The following SUPT3H variants were observed in gnomAD, a reference collection of about 807,000 sequenced individuals.
The protein encoded by SUPT3H is transcription initiation protein SPT3 homolog.
A neutral mutation model predicts 44.3 loss-of-function variants in SUPT3H; 44 were observed. The ratio of observed to expected loss-of-function variants is 0.99; its 90% CI spans 0.78 to 1.28. The LOEUF (loss-of-function observed/expected upper bound fraction) is 1.28. SUPT3H is among the 50% of genes most tolerant of loss of function. The pLI, the probability that SUPT3H is intolerant of heterozygous loss-of-function variation, is 0.00. For synonymous variants in SUPT3H, 124 were observed against 125.6 expected (o/e 0.99, Z 0.09); for missense variants, 380 against 387.1 (o/e 0.98, Z 0.15).
intron 7 of SUPT3H, chr6:44,955,363 G>T (rs1473693077): frequency 6.6e-6 from 1 of 152,432 alleles, no homozygotes; most frequent in Non-Finnish European, 1.5e-5. Context: ...AAATAAAGTT[G>T]GTGCTGTTAC....
At chr6:45,178,561 G>A (rs868340868) in intron 2 of SUPT3H, among the ~76,000 whole-genome samples, 78 of 151,782 alleles carry the variant, frequency 5.1e-4, no homozygotes, top group Middle Eastern at 6.8e-3. Flanking sequence ...TGCACCAAGC[G>A]GACCTAATAG....
At chr6:44,908,154 CTTTTTT>C (rs70993481) in intron 10 of SUPT3H, among the ~76,000 whole-genome samples, 1 of 136,960 alleles carries the variant, frequency 7.3e-6, no homozygotes, top group South Asian at 2.3e-4. Flanking sequence ...TTTTTCTTTT[CTTTTTT>C]TTTTTTTTTG....
chr6:45,312,934 G>T (rs1784186604), intron 2 of SUPT3H, among the ~76,000 whole-genome samples: 1 of 152,064 alleles, frequency 6.6e-6, no homozygotes, highest in African/African-American at 2.4e-5. Context: ...ATGCTATCAA[G>T]CACTTTCTCA....
At chr6:44,975,852 T>C (rs1333692224) in intron 6 of SUPT3H, among the ~76,000 whole-genome samples, 1 of 151,658 alleles carries the variant, frequency 6.6e-6, no homozygotes, top group Non-Finnish European at 1.5e-5. Context: ...AAAGAAAATA[T>C]GAAAAAAGCA....
chr6:45,275,853 C>G (rs896190329), intron 2 of SUPT3H, among the ~76,000 whole-genome samples: 2 of 152,164 alleles, frequency 1.3e-5, no homozygotes, highest in South Asian at 4.2e-4. Flanking sequence ...ATACATTTAT[C>G]TAGCTCAATA....
chr6:45,044,107 G>A (rs1789002453), intron 3 of SUPT3H, among the ~76,000 whole-genome samples: 1 of 152,104 alleles, frequency 6.6e-6, no homozygotes, highest in Non-Finnish European at 1.5e-5. Flanking sequence ...TGCTAATGCT[G>A]CTAATAAAAT....
chr6:44,855,638 C>T (rs75316775), intron 10 of SUPT3H, among the ~76,000 whole-genome samples: 198 of 151,786 alleles, frequency 1.3e-3, no homozygotes, highest in Non-Finnish European at 2.4e-3. Context: ...GACGATAATG[C>T]AGATAGACAA....
intron 10 of SUPT3H, among the ~76,000 whole-genome samples, chr6:44,878,350 CTT>C (rs1313132736): frequency 6.6e-6 from 1 of 152,056 alleles, no homozygotes; most frequent in Non-Finnish European, 1.5e-5. Context: ...AACCTAAACT[CTT>C]TTAAAAACAA....
chr6:45,277,359 G>A (rs535149793), intron 2 of SUPT3H, among the ~76,000 whole-genome samples: 2 of 152,246 alleles, frequency 1.3e-5, no homozygotes, highest in African/African-American at 4.8e-5. Flanking sequence ...CTTCTAATAT[G>A]TCTGGAATCC....
At chr6:45,279,088 G>A (rs935653197) in intron 2 of SUPT3H, among the ~76,000 whole-genome samples, 3 of 152,020 alleles carry the variant, frequency 2.0e-5, no homozygotes, top group Non-Finnish European at 2.9e-5. Flanking sequence ...TTTAATTCTC[G>A]ATTAAGATAC....
intron 10 of SUPT3H, among the ~76,000 whole-genome samples, chr6:44,840,101 G>A (rs182645223): frequency 2.6e-4 from 39 of 152,292 alleles, no homozygotes; most frequent in Admixed American, 2.0e-3. Context: ...AAAGAATGTG[G>A]CTGTTATATT....
At chr6:45,144,164 A>C (rs1805665961) in intron 2 of SUPT3H, among the ~76,000 whole-genome samples, 1 of 152,126 alleles carries the variant, frequency 6.6e-6, no homozygotes, top group Non-Finnish European at 1.5e-5. Context: ...AAAAGATAGA[A>C]AAAGAAGAAA....
intron 2 of SUPT3H, among the ~76,000 whole-genome samples, chr6:45,352,479 T>C (rs1187981490): frequency 6.6e-6 from 1 of 152,112 alleles, no homozygotes; most frequent in Non-Finnish European, 1.5e-5. Context: ...TGCTGGAGTC[T>C]GGTATGACAG....
intron 6 of SUPT3H, among the ~76,000 whole-genome samples, chr6:44,975,154 C>T (rs1278585733): frequency 7.5e-6 from 1 of 134,198 alleles, no homozygotes; most frequent in East Asian, 2.2e-4. Context: ...CTGGGTGACA[C>T]AGCAAGACTC....
chr6:44,958,864 T>C (rs984645059), intron 7 of SUPT3H, among the ~76,000 whole-genome samples: 1 of 142,940 alleles, frequency 7.0e-6, no homozygotes, highest in Non-Finnish European at 1.5e-5. Context: ...TTTAAGTACT[T>C]ATCAATGGTT....
chr6:45,080,855 T>G (rs1454492853), intron 3 of SUPT3H, among the ~76,000 whole-genome samples: 1 of 151,972 alleles, frequency 6.6e-6, no homozygotes, highest in Non-Finnish European at 1.5e-5. Flanking sequence ...AGGTCTAGTA[T>G]GTGACAGCAG....
chr6:45,050,474 T>C (rs913682236), intron 3 of SUPT3H, among the ~76,000 whole-genome samples: 2 of 152,090 alleles, frequency 1.3e-5, no homozygotes, highest in Non-Finnish European at 2.9e-5. Flanking sequence ...ATAGTTTGGT[T>C]TTCCATTTAG....
intron 2 of SUPT3H, among the ~76,000 whole-genome samples, chr6:45,359,721 T>C (rs1383199151): frequency 6.6e-6 from 1 of 152,172 alleles, no homozygotes; most frequent in Non-Finnish European, 1.5e-5. Context: ...TTGTTAGATA[T>C]AGGAAACTGC....
At chr6:45,017,785 C>T (rs1170383798) in intron 4 of SUPT3H, among the ~76,000 whole-genome samples, 1 of 143,056 alleles carries the variant, frequency 7.0e-6, no homozygotes, top group Admixed American at 7.1e-5. Context: ...AGCGTGATGC[C>T]TCCAGCTTTG....
Sources: gnomAD v4.1 joint callset for allele counts (sites outside exome capture counted in the v4.1 genomes callset) on GRCh38, gnomAD v4.1.1 for gene constraint, MANE v1.5 for transcripts, NCBI Gene and HGNC (gene_info 2026-07-23, HGNC 2026-07-21) for gene names.